The following MTAP variants were observed in gnomAD, a reference collection of about 807,000 sequenced individuals.
MTAP encodes methylthioadenosine phosphorylase.
A neutral mutation model predicts 33.6 loss-of-function variants in MTAP; 33 were observed. The observed-to-expected ratio is 0.98, with a 90% CI of 0.74 to 1.31. MTAP has a LOEUF of 1.31. Among genes scored for constraint, MTAP ranks in the 40% most tolerant of loss-of-function variants. The probability of loss-of-function intolerance (pLI) is 0.00; values close to 1 mark genes in which losing one functional copy is unlikely to be tolerated. For synonymous variants in MTAP, 148 were observed against 125.7 expected (o/e 1.18, Z -1.19); for missense variants, 367 against 360.0 (o/e 1.02, Z -0.16).
chr9:21,825,090 T>A (rs918099976), intron 4 of MTAP, among the ~76,000 whole-genome samples: 1 of 152,160 alleles, frequency 6.6e-6, no homozygotes, highest in African/African-American at 2.4e-5. Flanking sequence ...TCACACTCGA[T>A]GGGCTGCACC....
intron 4 of MTAP, among the ~76,000 whole-genome samples, chr9:21,826,800 G>T (rs1369548784): frequency 6.6e-6 from 1 of 152,048 alleles, no homozygotes; most frequent in African/African-American, 2.4e-5. Flanking sequence ...CCCCACCCCT[G>T]TGGCTTGTTA....
At chr9:21,879,391 T>C (rs1021180286) in intron 1 of MTAP, among the ~76,000 whole-genome samples, 1 of 152,312 alleles carries the variant, frequency 6.6e-6, no homozygotes, top group East Asian at 1.9e-4. Flanking sequence ...TTTTCTGATT[T>C]CCATTTGCTT....
chr9:21,923,257 A>G (rs1446927682), intron 1 of MTAP, among the ~76,000 whole-genome samples: 1 of 152,076 alleles, frequency 6.6e-6, no homozygotes, highest in Non-Finnish European at 1.5e-5. Flanking sequence ...CTTACCATAC[A>G]CTTTTCATCC....
intron 1 of MTAP, among the ~76,000 whole-genome samples, chr9:21,898,513 A>G (rs1401173321): frequency 6.6e-6 from 1 of 152,374 alleles, no homozygotes; most frequent in African/African-American, 2.4e-5. Flanking sequence ...CAGAATCTAC[A>G]AAGAACTTAA....
At chr9:21,843,121 A>G (rs886134065) in intron 5 of MTAP, among the ~76,000 whole-genome samples, 2 of 152,212 alleles carry the variant, frequency 1.3e-5, no homozygotes, top group Admixed American at 6.5e-5. Flanking sequence ...AGCTAGTTTT[A>G]TATCAGAAAA....
At chr9:21,852,824 C>G (rs549270234) in intron 5 of MTAP, among the ~76,000 whole-genome samples, 2 of 152,078 alleles carry the variant, frequency 1.3e-5, no homozygotes, top group East Asian at 3.9e-4. Flanking sequence ...AGTGTTACTT[C>G]TATTCATTTT....
intron 4 of MTAP, among the ~76,000 whole-genome samples, chr9:21,835,627 C>A (rs990646887): frequency 6.6e-6 from 1 of 152,108 alleles, no homozygotes; most frequent in Non-Finnish European, 1.5e-5. Context: ...TATAAAACTT[C>A]TGATTTATCT....
At chr9:21,836,489 AG>A (rs938294078) in intron 4 of MTAP, among the ~76,000 whole-genome samples, 1 of 152,114 alleles carries the variant, frequency 6.6e-6, no homozygotes, top group African/African-American at 2.4e-5. Flanking sequence ...TAGCCACTGG[AG>A]GCTTTTGTGG....
intron 4 of MTAP, among the ~76,000 whole-genome samples, chr9:21,828,753 G>A (rs1824888418): frequency 6.6e-6 from 1 of 152,148 alleles, no homozygotes; most frequent in African/African-American, 2.4e-5. Flanking sequence ...TATTTGGGGT[G>A]ATAACGTTTT....
intron 4 of MTAP, among the ~76,000 whole-genome samples, chr9:21,830,210 T>C (rs1824932745): frequency 6.6e-6 from 1 of 152,248 alleles, no homozygotes; most frequent in Non-Finnish European, 1.5e-5. Flanking sequence ...GAATGTGTTA[T>C]ATTTTTCATT....
chr9:21,815,329 G>A (rs1032347960), intron 1 of MTAP, 104 bp from the exon 2 acceptor site: 81 of 694,736 alleles, frequency 1.2e-4, no homozygotes, highest in Non-Finnish European at 7.2e-5. Flanking sequence ...ACTAGGGCTT[G>A]GCAGGAATGG....
intron 5 of MTAP, 111 bp from the exon 6 acceptor site, chr9:21,854,520 A>G (rs979782020): frequency 1.4e-5 from 20 of 1,398,336 alleles, no homozygotes; most frequent in Non-Finnish European, 1.8e-5. Flanking sequence ...GGCATTTATT[A>G]TAGTGACAAA....
At chr9:21,937,590 C>T (rs1338766708) in exon 8 of MTAP, 1 of 152,140 alleles carries the variant, frequency 6.6e-6, no homozygotes, top group Admixed American at 6.5e-5. Context: ...ATCTTCCCAA[C>T]AAAAGAGCTA....
chr9:21,817,934 TG>T, intron 3 of MTAP, 100 bp from the exon 4 acceptor site: 1 of 1,148,728 alleles, frequency 8.7e-7, no homozygotes, highest in Non-Finnish European at 1.2e-6. Context: ...TGTTAGTCTG[TG>T]GTCATTGCTA....
intron 1 of MTAP, among the ~76,000 whole-genome samples, chr9:21,895,345 G>T (rs1310303880): frequency 6.6e-6 from 1 of 152,126 alleles, no homozygotes; most frequent in Admixed American, 6.5e-5. Flanking sequence ...CTGCTATAAA[G>T]AACTGCCCCA....
chr9:21,867,126 T>A (rs755382971), downstream of MTAP: 4 of 152,180 alleles, frequency 2.6e-5, no homozygotes, highest in Non-Finnish European at 5.9e-5. Flanking sequence ...AGGGATACCT[T>A]GTGTACACAA....
intron 1 of MTAP, among the ~76,000 whole-genome samples, chr9:21,891,905 C>G (rs1818207008): frequency 6.6e-6 from 1 of 152,140 alleles, no homozygotes; most frequent in Non-Finnish European, 1.5e-5. Context: ...CAAAGGGACC[C>G]CCATCAGGCT....
chr9:21,881,789 G>C (rs914542923), intron 1 of MTAP, among the ~76,000 whole-genome samples: 3 of 151,198 alleles, frequency 2.0e-5, no homozygotes, highest in African/African-American at 7.3e-5. Context: ...AATATAATAT[G>C]ATGCAGCCAC....
intron 5 of MTAP, among the ~76,000 whole-genome samples, chr9:21,851,487 G>C (rs893001934): frequency 6.6e-6 from 1 of 152,180 alleles, no homozygotes; most frequent in African/African-American, 2.4e-5. Flanking sequence ...TAGTATTTGG[G>C]TTGGTGTTTG....
Sources: allele counts gnomAD v4.1 joint callset (sites outside exome capture counted in the v4.1 genomes callset), GRCh38; gene constraint gnomAD v4.1.1; transcripts MANE v1.5; gene names NCBI Gene and HGNC (gene_info 2026-07-23, HGNC 2026-07-21).